Variants in MIER2 observed in about 807,000 individuals in gnomAD.
The protein encoded by MIER2 is mesoderm induction early response protein 2.
Under a neutral mutation model 67.6 loss-of-function variants are expected in MIER2, and 30 were observed. The ratio of observed to expected loss-of-function variants is 0.44; its 90% CI spans 0.33 to 0.60. MIER2 has a LOEUF of 0.60. Ranked by LOEUF, MIER2 falls within the 20% of genes least tolerant of loss-of-function variation. The pLI, the probability that MIER2 is intolerant of heterozygous loss-of-function variation, is 0.02. For missense variants in MIER2, 702 were observed against 745.1 expected (o/e 0.94, Z 0.67); for synonymous variants, 372 against 312.6 (o/e 1.19, Z -2.00).
intron 2 of MIER2, among the ~76,000 whole-genome samples, chr19:335,807 C>T (rs909674653): frequency 1.3e-5 from 2 of 152,134 alleles, no homozygotes; most frequent in South Asian, 2.1e-4. Flanking sequence ...GCCCTCAGCT[C>T]GGTGCAGGCG....
intron 1 of MIER2, 37 bp downstream of exon 1, chr19:344,731 CGCGCGG>C (rs1972669327): frequency 8.8e-7 from 1 of 1,137,346 alleles, no homozygotes; most frequent in Admixed American, 4.8e-5. Flanking sequence ...GGGGCGCGGA[CGCGCGG>C]GGGCGGGGGG....
At position 306,581 on chromosome 19, in the gene MIER2, C is replaced by T; in HGVS notation, c.*109G>A. The T allele has an allele frequency of 7.0e-7, 1 of 1,425,546 alleles. No individual in the cohort carries two copies. Among genetic ancestry groups the T allele is most frequent in the Non-Finnish European group, 9.6e-7 (1 of 1,037,548 alleles). 88.3% of individuals were successfully genotyped at this position (1,425,546 alleles called of 1,614,324 possible). On this transcript the variant is annotated 3_prime_UTR_variant, in exon 14 of 14. Transcript: ENST00000264819. ...ACGTGTTCTGAAGCAGAAGGAGGTG[C>T]TACCCCAAGGCCCGGGGGGTGGGGA...
chr19:322,405 AAG>A (rs1971539597), intron 7 of MIER2, among the ~76,000 whole-genome samples: 1 of 152,196 alleles, frequency 6.6e-6, no homozygotes, highest in African/African-American at 2.4e-5. Flanking sequence ...AGACATCACT[AAG>A]AGAGTCAATG....
At chr19:311,006 G>A (rs776296582) in intron 10 of MIER2, among the ~76,000 whole-genome samples, 8 of 152,232 alleles carry the variant, frequency 5.3e-5, no homozygotes, top group Non-Finnish European at 1.2e-4. Context: ...TGCTGCGCAC[G>A]GCACCGCACA....
chr19:342,120 C>T (rs1688143216), intron 1 of MIER2, among the ~76,000 whole-genome samples: 2 of 152,190 alleles, frequency 1.3e-5, no homozygotes, highest in South Asian at 4.1e-4. Flanking sequence ...ACCCTCCTCC[C>T]ACCCACACCA....
Position 334,536 on chromosome 19 carries a change from G to A in MIER2, c.107C>T (p.Ser36Phe), listed in dbSNP as rs750775613. The change falls in exon 3 of 14, where the codon TCC becomes TTC. Residue 36 changes from serine to phenylalanine, a missense_variant. Coordinates refer to ENST00000264819, the MANE Select transcript of MIER2 (RefSeq NM_017550.3). ...GAACTGATGGTCTCCAGAGCCCATG[G>A]ACACCACTGGGGAGAAGAGAGCAGC... Reference protein sequence around the residue: ...EPGLQTTAVVSMGSGDHQFNL... With the variant: ...EPGLQTTAVVFMGSGDHQFNL... 1 of 1,613,800 alleles carries A rather than the reference G, an allele frequency of 6.2e-7. No individual in the cohort carries two copies. The highest frequency in any genetic ancestry group is 8.5e-7 in the Non-Finnish European group (1 of 1,179,974).
intron 3 of MIER2, 48 bp downstream of exon 3, chr19:334,352 C>T (rs1373916451): frequency 2.5e-6 from 4 of 1,610,520 alleles, no homozygotes; most frequent in Non-Finnish European, 3.4e-6. Flanking sequence ...GAGGCTTACC[C>T]CGGAGGGCTC....
intron 7 of MIER2, among the ~76,000 whole-genome samples, chr19:320,129 C>T (rs1464309185): frequency 3.9e-5 from 6 of 152,050 alleles, no homozygotes; most frequent in African/African-American, 1.5e-4. Context: ...AATCCCGGCA[C>T]TCTGGGGGGC....
chr19:340,140 A>G (rs1226024076), intron 1 of MIER2, among the ~76,000 whole-genome samples: 2 of 152,224 alleles, frequency 1.3e-5, no homozygotes, highest in Non-Finnish European at 2.9e-5. Context: ...AACAAGCTCA[A>G]AGAGATAGAG....
intron 10 of MIER2, among the ~76,000 whole-genome samples, chr19:311,134 G>A (rs1448900267): frequency 6.6e-6 from 1 of 152,254 alleles, no homozygotes; most frequent in Non-Finnish European, 1.5e-5. Flanking sequence ...ACACGAGGCA[G>A]AAGCAAGGCT....
intron 7 of MIER2, among the ~76,000 whole-genome samples, chr19:323,157 C>G (rs1183482972): frequency 1.3e-5 from 2 of 150,854 alleles, no homozygotes; most frequent in Non-Finnish European, 2.9e-5. Context: ...CACAACCACA[C>G]AGATGACTCA....
chr19:313,556 C>T lies in MIER2; in HGVS notation c.743G>A (p.Arg248Gln), dbSNP rs527873374. ...AGGCCCGGCCATCTCGTGCCAACGCCGCTTCACCGCCCTGTACAGGAACTC... is the reference window on the plus strand; with the variant it reads ...AGGCCCGGCCATCTCGTGCCAACGCTGCTTCACCGCCCTGTACAGGAACTC... ...VEEFLYRAVK[R>Q]RWHEMAGPQL... The change falls in exon 8 of 14, where the codon CGG (arginine) becomes CAG (glutamine). Residue 248 changes from arginine (R) to glutamine (Q), a missense_variant. Coordinates refer to ENST00000264819, the MANE Select transcript of MIER2 (RefSeq NM_017550.3). 1.1e-5 allele frequency: 18 copies of T among 1,613,222 alleles called. No homozygotes were observed. The highest frequency in any genetic ancestry group is 4.5e-5 in the East Asian group (2 of 44,884).
intron 2 of MIER2, 77 bp from the exon 3 acceptor site, chr19:334,619 G>A: frequency 1.3e-6 from 2 of 1,553,538 alleles, no homozygotes; most frequent in Non-Finnish European, 1.7e-6. Context: ...ACTGACGCCT[G>A]GTGAAGCCCT....
chr19:317,320 G>T (rs958038133), intron 7 of MIER2, among the ~76,000 whole-genome samples: 5 of 152,120 alleles, frequency 3.3e-5, no homozygotes, highest in African/African-American at 9.6e-5. Context: ...GAGGTCAGGA[G>T]ATCGAGACCA....
At chr19:309,627 C>CAT (rs1970836927) in intron 10 of MIER2, among the ~76,000 whole-genome samples, 1 of 123,378 alleles carries the variant, frequency 8.1e-6, no homozygotes, top group African/African-American at 3.6e-5. Flanking sequence ...GACACACACA[C>CAT]GCACACAAGG....
chr19:327,265 A>G lies in MIER2; in HGVS notation c.370-9T>C, dbSNP rs374280358. ...TCCTTCGCTATTTGTTCCTTTAAAA[A>G]AAAAAAAAAAAGTAAAGAACATTTT... On this transcript the variant is annotated splice_polypyrimidine_tract_variant and intron_variant, in intron 4 of 13. Transcript: ENST00000264819. The G allele has an allele frequency of 8.8e-5, 139 of 1,574,758 alleles. No homozygotes were observed. Among genetic ancestry groups the G allele is most frequent in the Non-Finnish European group, 1.1e-4 (134 of 1,169,078 alleles).
chr19:327,431 T>C (rs1600153974), intron 4 of MIER2, among the ~76,000 whole-genome samples, 175 bp from the exon 5 acceptor site: 1 of 152,274 alleles, frequency 6.6e-6, no homozygotes, highest in Non-Finnish European at 1.5e-5. Context: ...AGGAGACACG[T>C]GGGAGCCCAC....
intron 7 of MIER2, among the ~76,000 whole-genome samples, chr19:317,810 T>A (rs1971322110): frequency 2.0e-5 from 3 of 151,014 alleles, no homozygotes; most frequent in Admixed American, 2.0e-4. Context: ...GATGGTGGCA[T>A]TACACAATTG....
intron 2 of MIER2, among the ~76,000 whole-genome samples, chr19:335,783 G>C (rs773835114): frequency 7.9e-5 from 12 of 152,182 alleles, no homozygotes; most frequent in Non-Finnish European, 1.5e-4. Context: ...CCAACACCCT[G>C]GCAAGATGAG....
Sources: allele counts gnomAD v4.1 joint callset (sites outside exome capture counted in the v4.1 genomes callset), GRCh38; gene constraint gnomAD v4.1.1; transcripts MANE v1.5; gene names NCBI Gene and HGNC (gene_info 2026-07-23, HGNC 2026-07-21).